The following FCHSD2 variants were observed in gnomAD, a reference collection of about 807,000 sequenced individuals.
FCHSD2 encodes FCH and double SH3 domains 2, also known as F-BAR and double SH3 domains protein 2.
A neutral mutation model predicts 108.1 loss-of-function variants in FCHSD2; 38 were observed. The observed-to-expected ratio is 0.35, with a 90% confidence interval of 0.27 to 0.46. FCHSD2 has a LOEUF of 0.46. FCHSD2 is among the 20% of genes least tolerant of loss of function. The pLI is 1.00. For missense variants in FCHSD2, 751 were observed against 897.8 expected (o/e 0.84, Z 2.09); for synonymous variants, 279 against 314.7 (o/e 0.89, Z 1.20).
intron 8 of FCHSD2, among the ~76,000 whole-genome samples, chr11:72,953,864 T>C (rs2135361101): frequency 6.6e-6 from 1 of 152,190 alleles, no homozygotes. Flanking sequence ...ACATCACATG[T>C]GAAAGTCCAG....
At chr11:72,936,110 C>A (rs1323710599) in intron 8 of FCHSD2, among the ~76,000 whole-genome samples, 1 of 152,204 alleles carries the variant, frequency 6.6e-6, no homozygotes, top group Non-Finnish European at 1.5e-5. Context: ...TGGGAAGACA[C>A]TGACCGTTCT....
intron 12 of FCHSD2, among the ~76,000 whole-genome samples, chr11:72,870,564 TTCTC>T (rs1854831523): frequency 6.6e-6 from 1 of 152,038 alleles, no homozygotes. Context: ...ATAAAAGAAC[TTCTC>T]TCTAACAATT....
intron 2 of FCHSD2, among the ~76,000 whole-genome samples, chr11:73,124,725 C>T (rs1252481555): frequency 1.3e-5 from 2 of 151,274 alleles, no homozygotes; most frequent in Non-Finnish European, 2.9e-5. Flanking sequence ...CACTGCACTC[C>T]AGCCTGGGCA....
chr11:73,140,240 GC>G (rs1861215615), intron 1 of FCHSD2, 112 bp from the exon 2 acceptor site: 2 of 544,602 alleles, frequency 3.7e-6, no homozygotes, highest in Non-Finnish European at 6.4e-6. Flanking sequence ...TCCCCTGAAG[GC>G]CATAAATCCA....
chr11:73,141,747 G>A (rs1280919146), intron 1 of FCHSD2, 110 bp downstream of exon 1: 2 of 1,197,558 alleles, frequency 1.7e-6, no homozygotes, highest in South Asian at 1.4e-5. Context: ...AGCCCAAGAC[G>A]AGGGCGGTCA....
intron 8 of FCHSD2, among the ~76,000 whole-genome samples, chr11:72,937,635 G>A (rs1856330624): frequency 1.3e-5 from 2 of 152,110 alleles, no homozygotes; most frequent in Non-Finnish European, 2.9e-5. Flanking sequence ...GAGCCACCGC[G>A]CCTGGCCAAA....
intron 13 of FCHSD2, among the ~76,000 whole-genome samples, chr11:72,855,279 AAAAC>A (rs201512091): frequency 0.02 from 3,051 of 151,074 alleles, 51 homozygotes; most frequent in African/African-American, 0.045. Context: ...CTCCGTCTCA[AAAAC>A]AAACAAACAA....
At chr11:73,046,750 TATTG>T (rs945894852) in intron 3 of FCHSD2, among the ~76,000 whole-genome samples, 6 of 152,306 alleles carry the variant, frequency 3.9e-5, no homozygotes, top group Admixed American at 2.6e-4. Flanking sequence ...TTTGTTTGTT[TATTG>T]ATTGATTGAT....
intron 3 of FCHSD2, among the ~76,000 whole-genome samples, chr11:73,030,096 T>C (rs1436444627): frequency 6.6e-6 from 1 of 152,102 alleles, no homozygotes; most frequent in Non-Finnish European, 1.5e-5. Flanking sequence ...GGAATGCCAT[T>C]AGTTTGAAAA....
intron 3 of FCHSD2, among the ~76,000 whole-genome samples, chr11:73,083,146 T>C (rs1260414134): frequency 3.3e-5 from 5 of 152,348 alleles, no homozygotes; most frequent in South Asian, 2.1e-4. Context: ...GTATTATTAT[T>C]CATACTTGTA....
chr11:72,901,777 G>A (rs1855530597), intron 10 of FCHSD2, among the ~76,000 whole-genome samples: 1 of 152,006 alleles, frequency 6.6e-6, no homozygotes, highest in Admixed American at 6.6e-5. Flanking sequence ...AAATCTGAAA[G>A]GAATTATAAA....
At chr11:72,883,271 C>T (rs1855126868) in intron 12 of FCHSD2, among the ~76,000 whole-genome samples, 1 of 152,096 alleles carries the variant, frequency 6.6e-6, no homozygotes, top group South Asian at 2.1e-4. Context: ...CTTGATCAGG[C>T]AAAAATTTCT....
chr11:73,011,008 G>A (rs1023079974), intron 4 of FCHSD2, among the ~76,000 whole-genome samples: 1 of 152,188 alleles, frequency 6.6e-6, no homozygotes. Flanking sequence ...CTCCAAGCCT[G>A]CAGGTGCCAT....
At chr11:73,081,537 T>C (rs898633498) in intron 3 of FCHSD2, among the ~76,000 whole-genome samples, 27 of 152,118 alleles carry the variant, frequency 1.8e-4, no homozygotes, top group Non-Finnish European at 4.0e-4. Context: ...TTTTTCTATT[T>C]TTTTTTTAGA....
chr11:73,085,065 T>C (rs1219704946), intron 2 of FCHSD2, among the ~76,000 whole-genome samples: 4 of 152,120 alleles, frequency 2.6e-5, no homozygotes, highest in Admixed American at 6.5e-5. Flanking sequence ...ATTTCTTATA[T>C]AAAAATATAA....
intron 2 of FCHSD2, among the ~76,000 whole-genome samples, chr11:73,131,516 G>A (rs1015573842): frequency 1.3e-5 from 2 of 151,586 alleles, no homozygotes; most frequent in African/African-American, 4.8e-5. Flanking sequence ...GTGACAGAGT[G>A]AGACTTCGTC....
intron 10 of FCHSD2, among the ~76,000 whole-genome samples, chr11:72,890,512 T>C (rs1855292362): frequency 6.6e-6 from 1 of 152,188 alleles, no homozygotes; most frequent in African/African-American, 2.4e-5. Flanking sequence ...CCAGGCTTCA[T>C]ATGAAAGATA....
intron 8 of FCHSD2, among the ~76,000 whole-genome samples, chr11:72,938,702 A>C (rs1377131960): frequency 2.0e-5 from 3 of 152,192 alleles, no homozygotes; most frequent in African/African-American, 7.2e-5. Context: ...TATTCTACAC[A>C]AACAGTAGAG....
chr11:73,086,334 A>G (rs1859816357), intron 2 of FCHSD2, among the ~76,000 whole-genome samples: 1 of 152,120 alleles, frequency 6.6e-6, no homozygotes, highest in African/African-American at 2.4e-5. Context: ...GCTTGAACCC[A>G]GAGGTGGGGG....
Sources: gnomAD v4.1 joint callset for allele counts (sites outside exome capture counted in the v4.1 genomes callset) on GRCh38, gnomAD v4.1.1 for gene constraint, MANE v1.5 for transcripts, NCBI Gene and HGNC (gene_info 2026-07-23, HGNC 2026-07-21) for gene names.